Variants in SNAPC1 observed in about 807,000 individuals in gnomAD.
SNAPC1 encodes snRNA-activating protein complex subunit 1.
SNAPC1 carries 42 observed loss-of-function variants against 50.1 expected under a neutral mutation model. The observed-to-expected ratio is 0.84, with a 90% CI of 0.65 to 1.08. The LOEUF is 1.08. Ranked by LOEUF, SNAPC1 falls within the 50% of genes least tolerant of loss-of-function variation. The probability of loss-of-function intolerance (pLI) is 0.00; values close to 1 mark genes in which losing one functional copy is unlikely to be tolerated. For synonymous variants in SNAPC1, 164 were observed against 144.2 expected (o/e 1.14, Z -0.98); for missense variants, 477 against 427.3 (o/e 1.12, Z -1.02).
chr14:61,763,221 G>C (rs2044921179), intron 1 of SNAPC1, among the ~76,000 whole-genome samples: 1 of 132,992 alleles, frequency 7.5e-6, no homozygotes, highest in South Asian at 2.6e-4. Flanking sequence ...TCGAACTCCT[G>C]ATCTCGTGAC....
At chr14:61,791,255 C>A (rs535274765) in intron 8 of SNAPC1, among the ~76,000 whole-genome samples, 1 of 152,092 alleles carries the variant, frequency 6.6e-6, no homozygotes, top group African/African-American at 2.4e-5. Context: ...TGTGATCCAC[C>A]CACCTCAGCC....
chr14:61,784,483 G>T (rs532846893), intron 8 of SNAPC1, among the ~76,000 whole-genome samples: 15 of 152,056 alleles, frequency 9.9e-5, no homozygotes, highest in Admixed American at 7.2e-4. Context: ...AAATCCTCTA[G>T]ATCAAGGAGT....
At chr14:61,771,778 C>T (rs1277576074) in intron 4 of SNAPC1, among the ~76,000 whole-genome samples, 1 of 152,060 alleles carries the variant, frequency 6.6e-6, no homozygotes, top group Non-Finnish European at 1.5e-5. Context: ...GAGCAGAAGG[C>T]ATACTTTTTC....
At chr14:61,779,598 G>A (rs1480318194) in intron 7 of SNAPC1, among the ~76,000 whole-genome samples, 1 of 149,848 alleles carries the variant, frequency 6.7e-6, no homozygotes, top group African/African-American at 2.5e-5. Context: ...TTCACAGGAT[G>A]CAATAACTTT....
At chr14:61,773,000 A>G (rs906003327) in intron 4 of SNAPC1, among the ~76,000 whole-genome samples, 1 of 152,200 alleles carries the variant, frequency 6.6e-6, no homozygotes, top group African/African-American at 2.4e-5. Context: ...CTTTTGTCCT[A>G]GCATAGCCTG....
Position 61,770,552 on chromosome 14 carries a change from G to A in SNAPC1, c.534+1812G>A, listed in dbSNP as rs112159227. On this transcript the variant is annotated intron_variant, in intron 4 of 9. Transcript: ENST00000216294. ...AGCCACTGTGCCCGGTCGCCCCCACGTTGCAATAACATCAGCCTGTCAGGT... is the reference window on the plus strand; with the variant it reads ...AGCCACTGTGCCCGGTCGCCCCCACATTGCAATAACATCAGCCTGTCAGGT... 8.8e-3 allele frequency among the ~76,000 whole-genome samples: 1,337 copies of A among 152,100 alleles called. 7 individuals are homozygous for A. Among genetic ancestry groups the A allele is most frequent in the Middle Eastern group, 0.031 (9 of 294 alleles).
chr14:61,767,903 C>T (rs146379758), intron 3 of SNAPC1, among the ~76,000 whole-genome samples: 1 of 152,318 alleles, frequency 6.6e-6, no homozygotes, highest in East Asian at 1.9e-4. Context: ...TCTCAGTCTC[C>T]TGAGTAGCTG....
At position 61,778,055 on chromosome 14, in the gene SNAPC1, C is replaced by T; in HGVS notation, c.694-17C>T. ...TGTATGTGTGTATGTGTGTATGTATCTTTTTTGCTCTTTTAGAATCCATCC... is the reference window on the plus strand; with the variant it reads ...TGTATGTGTGTATGTGTGTATGTATTTTTTTTGCTCTTTTAGAATCCATCC... On this transcript the variant is annotated splice_polypyrimidine_tract_variant and intron_variant, in intron 5 of 9. Transcript: ENST00000216294. 3 of 1,433,146 alleles carry T rather than the reference C, an allele frequency of 2.1e-6. No homozygotes were observed. Among genetic ancestry groups the T allele is most frequent in the Non-Finnish European group, 2.9e-6 (3 of 1,032,794 alleles). The allele number at this position is 1,433,146 out of a possible 1,614,324, so 88.8% of individuals were successfully genotyped here.
chr14:61,772,436 G>C (rs2044998487), intron 4 of SNAPC1, among the ~76,000 whole-genome samples: 1 of 152,188 alleles, frequency 6.6e-6, no homozygotes, highest in Non-Finnish European at 1.5e-5. Flanking sequence ...GCAGAGGCAG[G>C]GTTTCGGCAT....
rs545735383 is a variant in SNAPC1 at position 61,795,613 on chromosome 14, A to G, written c.*630A>G. 2 of 152,342 alleles carry G rather than the reference A, an allele frequency of 1.3e-5. No individual in the cohort carries two copies. Among genetic ancestry groups the G allele is most frequent in the South Asian group, 4.2e-4 (2 of 4,818 alleles). The allele number at this position is 152,342 out of a possible 1,614,324, so 9.4% of individuals were successfully genotyped here. On this transcript the variant is annotated 3_prime_UTR_variant, in exon 10 of 10. Transcript: ENST00000216294. The stretch of plus-strand genomic sequence containing the variant: ...TAATTAAGTACTAACAAGTACTTAA[A>G]TACTAATGTATTAAGTATTTAAGTA...
At chr14:61,777,650 G>T (rs565922799) in intron 5 of SNAPC1, among the ~76,000 whole-genome samples, 7 of 146,846 alleles carry the variant, frequency 4.8e-5, no homozygotes, top group African/African-American at 1.8e-4. Flanking sequence ...TTGCTATGTT[G>T]CCCAGGCTGG....
At chr14:61,769,420 C>T (rs10152040) in intron 4 of SNAPC1, among the ~76,000 whole-genome samples, 18,516 of 135,038 alleles carry the variant, frequency 0.14, 1,595 homozygotes, top group South Asian at 0.29. Context: ...TTTTCTCACA[C>T]GGAGTCTTGC....
Position 61,795,679 on chromosome 14 carries a change from G to C in SNAPC1, c.*696G>C, listed in dbSNP as rs1194334693. 1.3e-5 allele frequency: 2 copies of C among 151,482 alleles called. No homozygotes were observed. The highest frequency in any genetic ancestry group is 4.9e-5 in the African/African-American group (2 of 41,198). The allele number at this position is 151,482 out of a possible 1,614,324, so 9.4% of individuals were successfully genotyped here. ...TTTAACAATAATAATGTAAATTTCA[G>C]AATGTGTCTCTGGTACAGAATAGTT... On this transcript the variant is annotated 3_prime_UTR_variant, in exon 10 of 10. Coordinates refer to ENST00000216294, the MANE Select transcript of SNAPC1 (RefSeq NM_003082.4).
chr14:61,777,412 C>G (rs185830205), intron 5 of SNAPC1, among the ~76,000 whole-genome samples: 6 of 152,212 alleles, frequency 3.9e-5, no homozygotes, highest in South Asian at 4.1e-4. Context: ...TCTTCTTGCT[C>G]TGTCACCCTG....
intron 5 of SNAPC1, among the ~76,000 whole-genome samples, chr14:61,777,234 T>C (rs2045040915): frequency 6.6e-6 from 1 of 152,212 alleles, no homozygotes; most frequent in South Asian, 2.1e-4. Flanking sequence ...AAGATGATAG[T>C]CTCGGGAAGA....
Position 61,795,911 on chromosome 14 carries a change from C to G in SNAPC1, c.*928C>G, listed in dbSNP as rs1183666408. The G allele has an allele frequency of 6.6e-6, 1 of 150,716 alleles. No homozygotes were observed. The highest frequency in any genetic ancestry group is 2.5e-5 in the African/African-American group (1 of 40,784). 9.3% of individuals were successfully genotyped at this position (150,716 alleles called of 1,614,324 possible). A position where few individuals can be genotyped will look rare whatever the true frequency, so the allele number is the denominator to read the frequency against. The stretch of plus-strand genomic sequence containing the variant: ...GTATCGCTATGTTGCTCAGGCTGGT[C>G]TTGAACTCCTGGGCTCAAGCTATCC... On this transcript the variant is annotated 3_prime_UTR_variant, in exon 10 of 10. Coordinates refer to ENST00000216294, the MANE Select transcript of SNAPC1 (RefSeq NM_003082.4).
intron 8 of SNAPC1, among the ~76,000 whole-genome samples, chr14:61,784,688 A>G (rs1261388496): frequency 6.6e-6 from 1 of 152,242 alleles, no homozygotes; most frequent in Non-Finnish European, 1.5e-5. Flanking sequence ...CAGGGGCCAT[A>G]GTTTGTTAAC....
chr14:61,783,859 T>A (rs181878265), intron 8 of SNAPC1, among the ~76,000 whole-genome samples: 7 of 152,264 alleles, frequency 4.6e-5, no homozygotes, highest in Admixed American at 4.6e-4. Flanking sequence ...TTTTAAAAAT[T>A]GTCTGAATAA....
intron 4 of SNAPC1, among the ~76,000 whole-genome samples, chr14:61,769,745 T>C (rs2044974535): frequency 6.6e-6 from 1 of 152,168 alleles, no homozygotes; most frequent in Non-Finnish European, 1.5e-5. Flanking sequence ...TTGAAAACAG[T>C]GAGTCTATTT....
Sources: gnomAD v4.1 joint callset for allele counts (sites outside exome capture counted in the v4.1 genomes callset) on GRCh38, gnomAD v4.1.1 for gene constraint, MANE v1.5 for transcripts, NCBI Gene and HGNC (gene_info 2026-07-23, HGNC 2026-07-21) for gene names.